TMEM130: variants seen among roughly 807,000 people sequenced by gnomAD.
The protein encoded by TMEM130 is transmembrane protein 130.
Under a neutral mutation model 42.9 loss-of-function variants are expected in TMEM130, and 37 were observed. That is an observed-to-expected ratio of 0.86 (90% CI 0.66 to 1.13). The LOEUF (loss-of-function observed/expected upper bound fraction) is 1.13, where lower values mean the gene tolerates loss of function less well. Among genes scored for constraint, TMEM130 ranks in the 50% most tolerant of loss-of-function variants. TMEM130 has a pLI of 0.00. For synonymous variants in TMEM130, 259 were observed against 237.7 expected, an observed-to-expected ratio of 1.09 and a Z score of -0.82; for missense variants, 545 against 562.6, an observed-to-expected ratio of 0.97 and a Z score of 0.32.
Position 98,863,129 on chromosome 7 carries a change from A to G in TMEM130, c.357T>C (p.Pro119=), listed in dbSNP as rs781905813. ...VTAADCWMCQ[P]VARGFVVLPI... ...GGAGGACCACAAAGCCCCTGGCCACAGGCTGGCACATCCAGCAGTCAGCGG... is the reference window on the plus strand; with the variant it reads ...GGAGGACCACAAAGCCCCTGGCCACGGGCTGGCACATCCAGCAGTCAGCGG... The change falls in exon 2 of 8, where the codon CCT becomes CCC. Residue 119 remains proline, a synonymous_variant. Coordinates refer to ENST00000339375, the MANE Select transcript of TMEM130 (RefSeq NM_152913.3). 3.1e-6 allele frequency: 5 copies of G among 1,613,736 alleles called. No homozygotes were observed. Among genetic ancestry groups the G allele is most frequent in the Non-Finnish European group, 4.2e-6 (5 of 1,179,986 alleles).
intron 6 of TMEM130, among the ~76,000 whole-genome samples, chr7:98,849,380 CCT>C (rs1317199484): frequency 1.3e-5 from 2 of 152,076 alleles, no homozygotes; most frequent in African/African-American, 4.8e-5. Context: ...GTGTGGGTTC[CCT>C]CTCCCTTTTC....
At chr7:98,859,257 C>T (rs951055957) in intron 3 of TMEM130, among the ~76,000 whole-genome samples, 5 of 151,814 alleles carry the variant, frequency 3.3e-5, no homozygotes, top group Non-Finnish European at 7.4e-5. Context: ...ATAGCAAGAC[C>T]CTGTTCTCCT....
intron 6 of TMEM130, among the ~76,000 whole-genome samples, chr7:98,850,273 A>ATATTTT: frequency 2.8e-5 from 1 of 35,450 alleles, no homozygotes; most frequent in African/African-American, 7.6e-5. Context: ...ATATATATAT[A>ATATTTT]TTTTTTTTTT....
chr7:98,854,047 T>G (rs1794572355), intron 5 of TMEM130, among the ~76,000 whole-genome samples: 1 of 150,636 alleles, frequency 6.6e-6, no homozygotes, highest in Non-Finnish European at 1.5e-5. Context: ...TTTTTGTTTT[T>G]TTTTTTTTTG....
intron 3 of TMEM130, among the ~76,000 whole-genome samples, chr7:98,858,422 G>C (rs1326372613): frequency 6.6e-6 from 1 of 151,818 alleles, no homozygotes; most frequent in Non-Finnish European, 1.5e-5. Flanking sequence ...CATGCCTGTG[G>C]TCCCAGCTAC....
In TMEM130 at chr7:98,856,087, C is replaced by G; in HGVS notation, c.648G>C (p.Glu216Asp). 1 of 1,614,008 alleles carries G rather than the reference C, an allele frequency of 6.2e-7. No individual in the cohort carries two copies. The highest frequency in any genetic ancestry group is 8.5e-7 in the Non-Finnish European group (1 of 1,180,042). The change falls in exon 4 of 8, where the codon GAG becomes GAC. Residue 216 changes from glutamate to aspartate, a missense_variant. Coordinates refer to ENST00000339375, the MANE Select transcript of TMEM130 (RefSeq NM_152913.3). ...VKLKVVAEWE[E>D]VEPDATRAVK... Reference sequence around the variant, plus strand: ...CAGCCCTCGTGGCATCCGGCTCCACCTCTTCCCACTCCGCCACCACTTTGA... The same window carrying G: ...CAGCCCTCGTGGCATCCGGCTCCACGTCTTCCCACTCCGCCACCACTTTGA...
chr7:98,869,788 C>T lies in TMEM130; in HGVS notation c.74G>A (p.Gly25Glu). Residue 25 changes from glycine (G) to glutamate (E), a missense_variant, in exon 1 of 8, where the codon GGG becomes GAG. Coordinates refer to ENST00000339375, the MANE Select transcript of TMEM130 (RefSeq NM_152913.3). This position sits in a 1 kb window ranked among gnomAD's most constrained non-coding sequence, Gnocchi z 4.7. ...LACLLPWAPA[G>E]VAAGLYELNL... Reference sequence around the variant, plus strand: ...GCCCAGCGCCTTACCTGCGGCCACCCCTGCCGGGGCCCAGGGCAGGAGGCA... The same window carrying T: ...GCCCAGCGCCTTACCTGCGGCCACCTCTGCCGGGGCCCAGGGCAGGAGGCA... 7.0e-7 allele frequency: 1 copy of T among 1,426,410 alleles called. No homozygotes were observed. Among genetic ancestry groups the T allele is most frequent in the Non-Finnish European group, 9.2e-7 (1 of 1,090,908 alleles). 88.4% of individuals were successfully genotyped at this position (1,426,410 alleles called of 1,614,324 possible).
At chr7:98,862,591 C>T (rs1291375689) in intron 2 of TMEM130, among the ~76,000 whole-genome samples, 1 of 147,142 alleles carries the variant, frequency 6.8e-6, no homozygotes, top group Non-Finnish European at 1.5e-5. Flanking sequence ...CTCTGCCCCC[C>T]AGGTTCAAGC....
At position 98,869,700 on chromosome 7, in the gene TMEM130, C is replaced by A; in HGVS notation, c.85+77G>T. The A allele has an allele frequency of 2.7e-6, 3 of 1,100,138 alleles. No individual in the cohort carries two copies. Among genetic ancestry groups the A allele is most frequent in the Non-Finnish European group, 3.6e-6 (3 of 841,814 alleles). The allele number at this position is 1,100,138 out of a possible 1,614,324, so 68.1% of individuals were successfully genotyped here. A position where few individuals can be genotyped will look rare whatever the true frequency, so the allele number is the denominator to read the frequency against. On this transcript the variant is annotated intron_variant, in intron 1 of 7. Coordinates refer to ENST00000339375, the MANE Select transcript of TMEM130 (RefSeq NM_152913.3). The surrounding 1 kb of genome is among the most constrained non-coding windows in gnomAD (Gnocchi z 4.7). Reference sequence around the variant, plus strand: ...CACCTCCGCAATCCCTGCTCCCGGGCCCACTCGCCCGCTGAGACGGTTCCA... The same window carrying A: ...CACCTCCGCAATCCCTGCTCCCGGGACCACTCGCCCGCTGAGACGGTTCCA...
intron 5 of TMEM130, among the ~76,000 whole-genome samples, chr7:98,853,137 A>G (rs1554398502): frequency 6.6e-6 from 1 of 152,140 alleles, no homozygotes; most frequent in Admixed American, 6.5e-5. Context: ...CACTCATGCC[A>G]CCTCAAATAT....
At chr7:98,859,664 C>G (rs1794711025) in intron 3 of TMEM130, among the ~76,000 whole-genome samples, 1 of 152,056 alleles carries the variant, frequency 6.6e-6, no homozygotes, top group African/African-American at 2.4e-5. Context: ...CACTTGAGGT[C>G]AGGAGTTCAA....
chr7:98,854,521 T>C (rs1436905530), intron 5 of TMEM130, among the ~76,000 whole-genome samples: 1 of 152,168 alleles, frequency 6.6e-6, no homozygotes, highest in African/African-American at 2.4e-5. Context: ...GGAGGATCAC[T>C]TGAGCTCAGG....
intron 6 of TMEM130, among the ~76,000 whole-genome samples, chr7:98,850,283 T>A (rs1554398028): frequency 5.6e-5 from 5 of 88,730 alleles, no homozygotes; most frequent in South Asian, 3.9e-4. Context: ...ATTTTTTTTT[T>A]TTTTTAATTT....
intron 3 of TMEM130, 62 bp from the exon 4 acceptor site, chr7:98,856,245 A>C: frequency 6.5e-7 from 1 of 1,532,318 alleles, no homozygotes; most frequent in East Asian, 2.3e-5. Flanking sequence ...CCTTCCTGTA[A>C]CTCAGAAGTG....
intron 3 of TMEM130, among the ~76,000 whole-genome samples, chr7:98,857,528 TG>T (rs1794660637): frequency 1.3e-5 from 2 of 151,866 alleles, no homozygotes; most frequent in Admixed American, 1.3e-4. Context: ...GGCAAAACCC[TG>T]TCTCTACAAA....
chr7:98,848,467 C>T (rs2116055962), intron 7 of TMEM130, 116 bp downstream of exon 7: 2 of 844,240 alleles, frequency 2.4e-6, no homozygotes, highest in Non-Finnish European at 3.9e-6. Flanking sequence ...AGTCCCGGAG[C>T]CTCGCTGTAA....
intron 1 of TMEM130, 63 bp from the exon 2 acceptor site, chr7:98,863,463 C>A: frequency 7.0e-7 from 1 of 1,434,010 alleles, no homozygotes; most frequent in Non-Finnish European, 9.3e-7. Context: ...CCCACAGCCA[C>A]CTCTGGGCTG....
In TMEM130 at chr7:98,869,738, G is replaced by A; in HGVS notation, c.85+39C>T. 1.5e-6 allele frequency: 2 copies of A among 1,328,230 alleles called. No homozygotes were observed. Among genetic ancestry groups the A allele is most frequent in the Admixed American group, 3.8e-5 (1 of 26,400 alleles). 82.3% of individuals were successfully genotyped at this position (1,328,230 alleles called of 1,614,324 possible). ...TGAGACGGTTCCAGGCCCCGGGCGG[G>A]CTGCGGCTGCAGGGAGGCCGGATTG... On this transcript the variant is annotated intron_variant, in intron 1 of 7. Coordinates refer to ENST00000339375, the MANE Select transcript of TMEM130 (RefSeq NM_152913.3). The surrounding 1 kb of genome is among the most constrained non-coding windows in gnomAD (Gnocchi z 4.7).
Position 98,846,816 on chromosome 7 carries a change from C to G in TMEM130, c.*1240G>C, listed in dbSNP as rs1794363855. The G allele has an allele frequency of 6.6e-6, 1 of 152,214 alleles. No individual in the cohort carries two copies. Among genetic ancestry groups the G allele is most frequent in the South Asian group, 2.1e-4 (1 of 4,826 alleles). 9.4% of individuals were successfully genotyped at this position (152,214 alleles called of 1,614,324 possible). A position where few individuals can be genotyped will look rare whatever the true frequency, so the allele number is the denominator to read the frequency against. ...AGCAGCTGGCAGGCAAGAATGCCCC[C>G]CTCACACACAGGGAACCCAAGTCCC... On this transcript the variant is annotated 3_prime_UTR_variant, in exon 8 of 8. Transcript: ENST00000339375.
Sources: allele counts gnomAD v4.1 joint callset (sites outside exome capture counted in the v4.1 genomes callset), GRCh38; gene constraint gnomAD v4.1.1; non-coding constraint Gnocchi (gnomAD v3.1); transcripts MANE v1.5; gene names NCBI Gene and HGNC (gene_info 2026-07-23, HGNC 2026-07-21).